The following DIABLO variants were observed in gnomAD, a reference collection of about 807,000 sequenced individuals.
DIABLO encodes the protein diablo IAP-binding mitochondrial protein.
DIABLO carries 32 observed loss-of-function variants against 31.7 expected under a neutral mutation model. The observed-to-expected ratio is 1.01, with a 90% CI of 0.76 to 1.35. The LOEUF (loss-of-function observed/expected upper bound fraction) is 1.35. Among genes scored for constraint, DIABLO ranks in the 40% most tolerant of loss-of-function variants. The pLI is 0.00. For missense variants in DIABLO, 316 were observed against 286.4 expected, an observed-to-expected ratio of 1.10 and a Z score of -0.75; for synonymous variants, 132 against 103.2, an observed-to-expected ratio of 1.28 and a Z score of -1.69.
rs758000427 is a variant in DIABLO, at chr12:122,218,336, G to A, written c.245C>T (p.Thr82Ile). The change falls in exon 3 of 6, where the codon ACA becomes ATA. Residue 82 changes from threonine (T) to isoleucine (I), a missense_variant. Coordinates refer to ENST00000464942, the MANE Select transcript of DIABLO (RefSeq NM_001371333.1). ...AGAGAGAAAGGTAGAGGTGCTATCTGTTACCAAAGACACTGCTCTCCTCAT... is the reference window on the plus strand; with the variant it reads ...AGAGAGAAAGGTAGAGGTGCTATCTATTACCAAAGACACTGCTCTCCTCAT... Reference protein sequence around the residue: ...ALMRRAVSLVTDSTSTFLSQT... With the variant: ...ALMRRAVSLVIDSTSTFLSQT... 1 of 1,614,138 alleles carries A rather than the reference G, an allele frequency of 6.2e-7. No individual in the cohort carries two copies. Among genetic ancestry groups the A allele is most frequent in the African/African-American group, 1.3e-5 (1 of 75,044 alleles).
Position 122,208,266 on chromosome 12 carries a change from G to GGC in DIABLO, c.*113_*114dup, listed in dbSNP as rs1953978315. On this transcript the variant is annotated 3_prime_UTR_variant, in exon 6 of 6. Transcript: ENST00000464942. ...AAAGGCGTCTCGCCTGATTGGCCAG[G>GGC]GCAGGATCTGCCGCCTCTTCTCGGT... 2 of 1,268,560 alleles carry GGC rather than the reference G, an allele frequency of 1.6e-6. No individual in the cohort carries two copies. Among genetic ancestry groups the GGC allele is most frequent in the Non-Finnish European group, 2.3e-6 (2 of 888,228 alleles). 78.6% of individuals were successfully genotyped at this position (1,268,560 alleles called of 1,614,324 possible).
At position 122,207,806 on chromosome 12, in the gene DIABLO, G is replaced by GC. The variant is rs148459775; in HGVS notation, c.*574dup. ...CTGTTGATGTTAAGTCCTGTTGAGAGCACCAGGTAAACACTCTGCACCCCT... is the reference window on the plus strand; with the variant it reads ...CTGTTGATGTTAAGTCCTGTTGAGAGCCACCAGGTAAACACTCTGCACCCCT... On this transcript the variant is annotated 3_prime_UTR_variant, in exon 6 of 6. Coordinates refer to ENST00000464942, the MANE Select transcript of DIABLO (RefSeq NM_001371333.1). 1.5e-3 allele frequency: 717 copies of GC among 466,178 alleles called. 2 individuals carry two copies. Among genetic ancestry groups the GC allele is most frequent in the African/African-American group, 0.013 (661 of 50,608 alleles). 28.9% of individuals were successfully genotyped at this position (466,178 alleles called of 1,614,324 possible).
chr12:122,209,678 A>T (rs1413325019), intron 5 of DIABLO: 4 of 682,298 alleles, frequency 5.9e-6, no homozygotes, highest in Non-Finnish European at 2.7e-6. Flanking sequence ...AAAAAAAAAA[A>T]TGAGCTCTCT....
rs117165598 is a variant in DIABLO, at chr12:122,223,658, T to A, written c.183+854A>T. On this transcript the variant is annotated intron_variant, in intron 2 of 5. Transcript: ENST00000464942. ...GGTCTTTGTCCTTCTGAGTTCCTTC[T>A]GCCTGGCAAGCTCCTCCCCGCACCA... 4.6e-5 allele frequency among the ~76,000 whole-genome samples: 7 copies of A among 152,284 alleles called. No homozygotes were observed. In the East Asian group the frequency reaches 1.3e-3, roughly 29 times the overall value.
chr12:122,225,969 A>C lies in DIABLO; in HGVS notation c.46T>G (p.Phe16Val), dbSNP rs1566030689. Reference sequence around the variant, plus strand: ...TCTACGCGGCCGCAGCGGTACCTGAAGAATGAAGTTACGCTGCGCGACAGC... The same window carrying C: ...TCTACGCGGCCGCAGCGGTACCTGACGAATGAAGTTACGCTGCGCGACAGC... ...SWLSRSVTSF[F>V]RYRQCLCVPV... The change falls in exon 1 of 6, where the codon TTC (phenylalanine) becomes GTC (valine). Residue 16 changes from phenylalanine to valine, a missense_variant. By Grantham distance (50) the Phe-to-Val change is conservative. Transcript: ENST00000464942. The C allele has an allele frequency of 1.3e-6, 2 of 1,597,876 alleles. No homozygotes were observed. Among genetic ancestry groups the C allele is most frequent in the Non-Finnish European group, 1.7e-6 (2 of 1,172,912 alleles).
At chr12:122,212,703 C>A (rs1484322183) in intron 5 of DIABLO, among the ~76,000 whole-genome samples, 1 of 150,000 alleles carries the variant, frequency 6.7e-6, no homozygotes, top group Non-Finnish European at 1.5e-5. Context: ...CTGCTCACTG[C>A]AAGCTCTGCC....
In DIABLO at chr12:122,218,316, G is replaced by A. The variant is rs774790079; in HGVS notation, c.265C>T (p.Leu89Phe). 1 of 1,614,140 alleles carries A rather than the reference G, an allele frequency of 6.2e-7. No individual in the cohort carries two copies. The highest frequency in any genetic ancestry group is 8.5e-7 in the Non-Finnish European group (1 of 1,180,018). The change falls in exon 3 of 6, where the codon CTC becomes TTC. Residue 89 changes from leucine to phenylalanine, a missense_variant. Coordinates refer to ENST00000464942, the MANE Select transcript of DIABLO (RefSeq NM_001371333.1). Reference sequence around the variant, plus strand: ...ATCAACGCATATGTGGTCTGAGAGAGAAAGGTAGAGGTGCTATCTGTTACC... The same window carrying A: ...ATCAACGCATATGTGGTCTGAGAGAAAAAGGTAGAGGTGCTATCTGTTACC... ...SLVTDSTSTF[L>F]SQTTYALIEA... is the part of the protein sequence containing the mutation.
intron 1 of DIABLO, 114 bp from the exon 2 acceptor site, chr12:122,224,758 G>A (rs1281883710): frequency 1.2e-6 from 2 of 1,606,226 alleles, no homozygotes. Context: ...CCTAAATGAG[G>A]ATGCAGGACA....
chr12:122,209,696 C>T (rs1447361650), intron 5 of DIABLO: 1 of 690,220 alleles, frequency 1.4e-6, no homozygotes, highest in Non-Finnish European at 2.6e-6. Flanking sequence ...TCTCATTTTA[C>T]CTGCTGCTAG....
rs12870 is a variant in DIABLO at position 122,208,273 on chromosome 12, T to A, written c.*108A>T. ...TCTCGCCTGATTGGCCAGGGCAGGA[T>A]CTGCCGCCTCTTCTCGGTGCACAGA... On this transcript the variant is annotated 3_prime_UTR_variant, in exon 6 of 6. Transcript: ENST00000464942. 3 of 1,352,408 alleles carry A rather than the reference T, an allele frequency of 2.2e-6. No individual in the cohort carries two copies. In the African/African-American group the frequency reaches 4.3e-5, roughly 19 times the overall value. 83.8% of individuals were successfully genotyped at this position (1,352,408 alleles called of 1,614,324 possible).
At chr12:122,224,721 T>C in intron 1 of DIABLO, 77 bp from the exon 2 acceptor site, 1 of 1,613,216 alleles carries the variant, frequency 6.2e-7, no homozygotes, top group Non-Finnish European at 8.5e-7. Flanking sequence ...GCAGGGGCTG[T>C]AAACTCAAAC....
intron 2 of DIABLO, chr12:122,220,669 C>CAAAACA (rs375283797): frequency 0.073 from 11,128 of 151,998 alleles, 474 homozygotes; most frequent in Middle Eastern, 0.13. Context: ...CAAAACAAAA[C>CAAAACA]AAAACAAAAA....
Position 122,208,089 on chromosome 12 carries a change from C to G in DIABLO, c.*292G>C, listed in dbSNP as rs1280912482. On this transcript the variant is annotated 3_prime_UTR_variant, in exon 6 of 6. Transcript: ENST00000464942. The stretch of plus-strand genomic sequence containing the variant: ...ACAAAAAGGACTCCTCTCTCTGACC[C>G]AGGTAGGCAAAATGCTTTGGGTGTG... 1 of 621,980 alleles carries G rather than the reference C, an allele frequency of 1.6e-6. No individual in the cohort carries two copies. Among genetic ancestry groups the G allele is most frequent in the African/African-American group, 1.8e-5 (1 of 55,422 alleles). 38.5% of individuals were successfully genotyped at this position (621,980 alleles called of 1,614,324 possible). A position where few individuals can be genotyped will look rare whatever the true frequency, so the allele number is the denominator to read the frequency against.
chr12:122,226,571 G>A (rs1488276707), upstream of DIABLO: 6 of 697,514 alleles, frequency 8.6e-6, no homozygotes, highest in Admixed American at 1.2e-4. Context: ...GCATCGCGCT[G>A]CGCGGGAGCC....
chr12:122,216,031 C>T (rs1954204336), intron 5 of DIABLO, among the ~76,000 whole-genome samples: 1 of 152,092 alleles, frequency 6.6e-6, no homozygotes, highest in Non-Finnish European at 1.5e-5. Context: ...ATGCCTACCA[C>T]AAAGCCTGAC....
In DIABLO at chr12:122,218,296, C is replaced by G; in HGVS notation, c.285G>C (p.Ala95=). 9 of 1,614,060 alleles carry G rather than the reference C, an allele frequency of 5.6e-6. No homozygotes were observed. The highest frequency in any genetic ancestry group is 6.8e-6 in the Non-Finnish European group (8 of 1,179,994). ...TSTFLSQTTY[A]LIEAITEYTK... ...TATATTCAGTAATAGCTTCAATCAA[C>G]GCATATGTGGTCTGAGAGAGAAAGG... Residue 95 remains alanine, a synonymous_variant, in exon 3 of 6, where the codon GCG becomes GCC. Transcript: ENST00000464942.
intron 1 of DIABLO, chr12:122,225,505 T>G (rs1041401527): frequency 9.6e-7 from 1 of 1,046,756 alleles, no homozygotes; most frequent in African/African-American, 1.7e-5. Context: ...CAGTTGTGTG[T>G]GACGGTCCCG....
At position 122,208,325 on chromosome 12, in the gene DIABLO, G is replaced by T; in HGVS notation, c.*56C>A. 6.3e-7 allele frequency: 1 copy of T among 1,587,252 alleles called. No individual in the cohort carries two copies. Among genetic ancestry groups the T allele is most frequent in the Non-Finnish European group, 8.6e-7 (1 of 1,162,304 alleles). Reference sequence around the variant, plus strand: ...AGTCATGCCAACCCTGGGCAGGGTGGCATCTGCCCCTGCTTTCCCCACTGA... The same window carrying T: ...AGTCATGCCAACCCTGGGCAGGGTGTCATCTGCCCCTGCTTTCCCCACTGA... On this transcript the variant is annotated 3_prime_UTR_variant, in exon 6 of 6. Transcript: ENST00000464942.
chr12:122,225,955 G>A lies in DIABLO; in HGVS notation c.50+10C>T, dbSNP rs1954456603. The A allele has an allele frequency of 6.3e-7, 1 of 1,589,078 alleles. No homozygotes were observed. The highest frequency in any genetic ancestry group is 1.3e-5 in the African/African-American group (1 of 74,520). ...CTGGTCCTGTCCCCTCTACGCGGCCGCAGCGGTACCTGAAGAATGAAGTTA... is the reference window on the plus strand; with the variant it reads ...CTGGTCCTGTCCCCTCTACGCGGCCACAGCGGTACCTGAAGAATGAAGTTA... On this transcript the variant is annotated intron_variant, in intron 1 of 5. Coordinates refer to ENST00000464942, the MANE Select transcript of DIABLO (RefSeq NM_001371333.1).
Sources: gnomAD v4.1 joint callset for allele counts (sites outside exome capture counted in the v4.1 genomes callset) on GRCh38, gnomAD v4.1.1 for gene constraint, MANE v1.5 for transcripts, NCBI Gene and HGNC (gene_info 2026-07-23, HGNC 2026-07-21) for gene names.